The following RBFOX1 variants were observed in gnomAD, a reference collection of about 807,000 sequenced individuals.
RBFOX1 encodes RNA binding protein fox-1 homolog 1.
RBFOX1 carries 8 observed loss-of-function variants against 57.7 expected under a neutral mutation model. The observed-to-expected ratio is 0.14, with a 90% CI of 0.08 to 0.25. The LOEUF is 0.25. Ranked by LOEUF, RBFOX1 falls within the 10% of genes least tolerant of loss-of-function variation. RBFOX1 has a pLI of 1.00. For missense variants in RBFOX1, 611 were observed against 548.5 expected (o/e 1.11, Z -1.14); for synonymous variants, 326 against 222.4 (o/e 1.47, Z -4.15).
chr16:6,451,414 C>G (rs1404248379), intron 2 of RBFOX1, among the ~76,000 whole-genome samples: 1 of 152,056 alleles, frequency 6.6e-6, no homozygotes, highest in Non-Finnish European at 1.5e-5. Flanking sequence ...GTTAGGTAAT[C>G]TTCTTATCTC....
intron 3 of RBFOX1, among the ~76,000 whole-genome samples, chr16:6,871,673 T>G (rs924602084): frequency 2.0e-5 from 3 of 151,128 alleles, no homozygotes; most frequent in Non-Finnish European, 4.4e-5. Flanking sequence ...TGGCCTTTCT[T>G]CCTCCACTCT....
intron 3 of RBFOX1, among the ~76,000 whole-genome samples, chr16:5,794,701 A>T (rs1332311985): frequency 6.6e-6 from 1 of 152,204 alleles, no homozygotes; most frequent in Non-Finnish European, 1.5e-5. Flanking sequence ...CACCTTAATG[A>T]TGGCTTAAGA....
intron 1 of RBFOX1, among the ~76,000 whole-genome samples, chr16:5,422,405 G>A (rs1288360112): frequency 1.5e-5 from 2 of 133,884 alleles, no homozygotes; most frequent in African/African-American, 2.8e-5. Flanking sequence ...GGGAAGAGGC[G>A]TAGGGAGAGG....
At chr16:6,546,866 C>T (rs1279625544) in intron 2 of RBFOX1, among the ~76,000 whole-genome samples, 1 of 152,304 alleles carries the variant, frequency 6.6e-6, no homozygotes, top group East Asian at 1.9e-4. Context: ...CAAGTTCAAA[C>T]ACAGATCATG....
At chr16:6,783,115 G>C (rs1466688549) in intron 3 of RBFOX1, among the ~76,000 whole-genome samples, 1 of 151,746 alleles carries the variant, frequency 6.6e-6, no homozygotes, top group Non-Finnish European at 1.5e-5. Flanking sequence ...TTTTCAGTCT[G>C]TGTGTTTTCG....
intron 3 of RBFOX1, among the ~76,000 whole-genome samples, chr16:6,980,077 C>G (rs537408855): frequency 6.6e-6 from 1 of 152,234 alleles, no homozygotes; most frequent in Non-Finnish European, 1.5e-5. Flanking sequence ...GGCACCTTGA[C>G]CCTGGTGTTA....
At chr16:6,055,827 A>G (rs889401675) in intron 1 of RBFOX1, among the ~76,000 whole-genome samples, 1 of 152,194 alleles carries the variant, frequency 6.6e-6, no homozygotes, top group Non-Finnish European at 1.5e-5. Flanking sequence ...CACTTGGCAA[A>G]CACAGAAAAG....
At chr16:5,856,604 T>TATATCTATATATAA (rs776623035) in intron 3 of RBFOX1, among the ~76,000 whole-genome samples, 1 of 68,110 alleles carries the variant, frequency 1.5e-5, no homozygotes, top group African/African-American at 4.8e-5. Flanking sequence ...TATATATATA[T>TATATCTATATATAA]AATCTTAGCC....
At chr16:6,005,292 C>T (rs148253168) in intron 4 of RBFOX1, among the ~76,000 whole-genome samples, 1 of 152,212 alleles carries the variant, frequency 6.6e-6, no homozygotes, top group African/African-American at 2.4e-5. Context: ...TCCAGGAACT[C>T]CATTTCTTGG....
intron 5 of RBFOX1, among the ~76,000 whole-genome samples, chr16:7,538,103 G>C (rs761290674): frequency 4.6e-5 from 7 of 152,150 alleles, no homozygotes; most frequent in Admixed American, 2.0e-4. Flanking sequence ...TTGAGACTGG[G>C]AGACAAAGAG....
chr16:7,490,423 T>A (rs1018278012), intron 4 of RBFOX1, among the ~76,000 whole-genome samples: 2 of 152,238 alleles, frequency 1.3e-5, no homozygotes, highest in Non-Finnish European at 2.9e-5. Flanking sequence ...GATTGGTCTA[T>A]GATTCTAGTT....
intron 3 of RBFOX1, among the ~76,000 whole-genome samples, chr16:5,686,858 G>A (rs936526975): frequency 1.3e-5 from 2 of 152,164 alleles, no homozygotes; most frequent in African/African-American, 2.4e-5. Flanking sequence ...TTCATCTGGG[G>A]CTGAGAATAA....
At chr16:6,231,254 G>GTC (rs1352528000) in intron 1 of RBFOX1, among the ~76,000 whole-genome samples, 62 of 151,718 alleles carry the variant, frequency 4.1e-4, no homozygotes, top group African/African-American at 1.5e-3. Context: ...GTGTGTGTGT[G>GTC]TGTGTTCCTT....
chr16:5,940,473 C>A (rs1356695499), intron 4 of RBFOX1, among the ~76,000 whole-genome samples: 1 of 152,132 alleles, frequency 6.6e-6, no homozygotes, highest in Non-Finnish European at 1.5e-5. Context: ...CCTGGAAAAC[C>A]ATGGGGGAAT....
intron 13 of RBFOX1, chr16:7,671,739 A>G: frequency 1.3e-6 from 1 of 762,064 alleles, no homozygotes; most frequent in Non-Finnish European, 2.2e-6. Context: ...TCCAGTTTTA[A>G]TATGAAATCT....
intron 2 of RBFOX1, among the ~76,000 whole-genome samples, chr16:6,580,975 T>C (rs765278389): frequency 5.3e-5 from 8 of 152,074 alleles, no homozygotes; most frequent in Non-Finnish European, 1.0e-4. Flanking sequence ...TTCTGAAGCA[T>C]TGATCAAGAA....
intron 1 of RBFOX1, among the ~76,000 whole-genome samples, chr16:6,087,335 CAAG>C (rs2096101831): frequency 6.6e-6 from 1 of 152,002 alleles, no homozygotes; most frequent in Non-Finnish European, 1.5e-5. Context: ...TTTAATTAAC[CAAG>C]AAGTTCTTCT....
chr16:6,564,561 C>T (rs1056528852), intron 2 of RBFOX1, among the ~76,000 whole-genome samples: 2 of 152,068 alleles, frequency 1.3e-5, no homozygotes, highest in Non-Finnish European at 1.5e-5. Flanking sequence ...TGACAAATAC[C>T]GCATGATCTC....
chr16:6,933,961 C>G (rs909048063), intron 3 of RBFOX1, among the ~76,000 whole-genome samples: 1 of 152,160 alleles, frequency 6.6e-6, no homozygotes. Flanking sequence ...AATCAAAGTA[C>G]TTATCACTAA....
Sources: gnomAD v4.1 joint callset for allele counts (sites outside exome capture counted in the v4.1 genomes callset) on GRCh38, gnomAD v4.1.1 for gene constraint, MANE v1.5 for transcripts, NCBI Gene and HGNC (gene_info 2026-07-23, HGNC 2026-07-21) for gene names.